Variants in HACE1 observed in about 807,000 individuals in gnomAD.
HACE1 encodes the protein E3 ubiquitin-protein ligase HACE1.
HACE1 carries 73 observed loss-of-function variants against 118.4 expected under a neutral mutation model. The ratio of observed to expected loss-of-function variants is 0.62; its 90% CI spans 0.51 to 0.75. HACE1 has a LOEUF of 0.75. Among genes scored for constraint, HACE1 ranks in the 30% least tolerant of loss-of-function variants. HACE1 has a pLI of 0.00. For missense variants in HACE1, 749 were observed against 1,102.2 expected (o/e 0.68, Z 4.54); for synonymous variants, 368 against 374.8 (o/e 0.98, Z 0.21).
Position 104,744,630 on chromosome 6 carries a change from T to C in HACE1, c.2344-20A>G. On this transcript the variant is annotated intron_variant, in intron 20 of 23. Coordinates refer to ENST00000262903, the MANE Select transcript of HACE1 (RefSeq NM_020771.4). ...TAGCTCCTTGGGGGAAGAAGAAAAA[T>C]ATTTCAATAATTTTCTTTAGGGAAA... is the stretch of plus-strand genomic sequence containing the variant. 2 of 1,361,838 alleles carry C rather than the reference T, an allele frequency of 1.5e-6. No homozygotes were observed. The highest frequency in any genetic ancestry group is 1.4e-5 in the African/African-American group (1 of 70,168). The allele number at this position is 1,361,838 out of a possible 1,614,324, so 84.4% of individuals were successfully genotyped here. A position where few individuals can be genotyped will look rare whatever the true frequency, so the allele number is the denominator to read the frequency against.
intron 1 of HACE1, 91 bp downstream of exon 1, chr6:104,859,476 G>T: frequency 9.9e-7 from 1 of 1,008,894 alleles, no homozygotes; most frequent in Non-Finnish European, 1.4e-6. Context: ...CTTTCAGTTA[G>T]TTTTTCCACC....
intron 7 of HACE1, among the ~76,000 whole-genome samples, chr6:104,802,054 A>G (rs1038641591): frequency 2.0e-5 from 3 of 149,758 alleles, no homozygotes; most frequent in African/African-American, 7.4e-5. Flanking sequence ...AAAAAAAAGC[A>G]GGGGTTGCAA....
At chr6:104,785,442 C>G in intron 11 of HACE1, 123 bp from the exon 12 acceptor site, 1 of 667,592 alleles carries the variant, frequency 1.5e-6, no homozygotes, top group Non-Finnish European at 2.6e-6. Context: ...TTTCTATCTT[C>G]CCAAGTTAAC....
At chr6:104,832,350 G>T (rs1774083821) in intron 6 of HACE1, among the ~76,000 whole-genome samples, 1 of 151,674 alleles carries the variant, frequency 6.6e-6, no homozygotes, top group Admixed American at 6.6e-5. Flanking sequence ...CAAATATTTT[G>T]AACAGATATA....
intron 22 of HACE1, among the ~76,000 whole-genome samples, chr6:104,739,647 G>A (rs541893189): frequency 6.6e-6 from 1 of 150,434 alleles, no homozygotes; most frequent in African/African-American, 2.4e-5. Flanking sequence ...CCCAATACAG[G>A]AACACCAAGA....
At chr6:104,779,613 A>C (rs1781533686) in intron 14 of HACE1, among the ~76,000 whole-genome samples, 1 of 152,130 alleles carries the variant, frequency 6.6e-6, no homozygotes, top group Admixed American at 6.6e-5. Context: ...TCTAATGCTG[A>C]CTATTTCTAA....
chr6:104,756,411 C>CAAAA (rs149270056), intron 19 of HACE1, among the ~76,000 whole-genome samples: 4 of 103,432 alleles, frequency 3.9e-5, no homozygotes, highest in South Asian at 6.8e-4. Flanking sequence ...GATTCCATCT[C>CAAAA]AAAAAAAAAA....
intron 5 of HACE1, among the ~76,000 whole-genome samples, chr6:104,839,328 G>C (rs1322113928): frequency 6.6e-6 from 1 of 152,156 alleles, no homozygotes; most frequent in African/African-American, 2.4e-5. Context: ...CTACTGGATG[G>C]AATACTATTC....
At chr6:104,797,825 T>A (rs1769840838) in intron 7 of HACE1, among the ~76,000 whole-genome samples, 1 of 152,054 alleles carries the variant, frequency 6.6e-6, no homozygotes, top group Non-Finnish European at 1.5e-5. Flanking sequence ...TCCCAGCACT[T>A]TGAGAGGCCG....
chr6:104,802,900 C>T (rs1171396208), intron 7 of HACE1, among the ~76,000 whole-genome samples: 3 of 152,116 alleles, frequency 2.0e-5, no homozygotes, highest in Non-Finnish European at 4.4e-5. Context: ...ACAAAAAACC[C>T]TTCAAAAAAT....
chr6:104,828,423 C>G (rs1481856482), intron 6 of HACE1, among the ~76,000 whole-genome samples: 1 of 151,896 alleles, frequency 6.6e-6, no homozygotes, highest in African/African-American at 2.4e-5. Context: ...AATTATATCT[C>G]CAGTTGAATA....
intron 22 of HACE1, among the ~76,000 whole-genome samples, chr6:104,735,289 G>A (rs1775691284): frequency 6.6e-6 from 1 of 151,888 alleles, no homozygotes; most frequent in Non-Finnish European, 1.5e-5. Context: ...AATAAAGATA[G>A]GTAATTCATA....
chr6:104,766,445 T>C (rs543313546), intron 19 of HACE1, among the ~76,000 whole-genome samples: 1 of 152,290 alleles, frequency 6.6e-6, no homozygotes, highest in Admixed American at 6.5e-5. Context: ...GAATTATGGA[T>C]GCTCAACCTG....
At chr6:104,802,378 C>CTGTAGA (rs1455229496) in intron 7 of HACE1, among the ~76,000 whole-genome samples, 5 of 152,186 alleles carry the variant, frequency 3.3e-5, no homozygotes, top group Admixed American at 6.5e-5. Context: ...TAATAGACAT[C>CTGTAGA]TACAGAACTC....
rs576050241 is a variant in HACE1 at position 104,833,031 on chromosome 6, G to A, written c.534+11C>T. On this transcript the variant is annotated intron_variant, in intron 6 of 23. Coordinates refer to ENST00000262903, the MANE Select transcript of HACE1 (RefSeq NM_020771.4). ...ACACATGCAGCTTAAAGTCCTCATG[G>A]CTCAACTTACCGTCTTGTGACCGTT... 1.9e-6 allele frequency: 3 copies of A among 1,611,494 alleles called. No homozygotes were observed. The Admixed American group carries it at 5.0e-5, about 27-fold the overall frequency.
At chr6:104,811,273 T>TATATATATGA (rs1771592401) in intron 7 of HACE1, 38 bp downstream of exon 7, 5 of 585,626 alleles carry the variant, frequency 8.5e-6, no homozygotes, top group Non-Finnish European at 1.6e-5. Flanking sequence ...TATATATATA[T>TATATATATGA]GAGCATATAT....
At chr6:104,802,152 A>C (rs1770441179) in intron 7 of HACE1, among the ~76,000 whole-genome samples, 1 of 152,224 alleles carries the variant, frequency 6.6e-6, no homozygotes. Flanking sequence ...GAATCAATGC[A>C]ACAAGAAGAG....
intron 11 of HACE1, 50 bp from the exon 12 acceptor site, chr6:104,785,369 T>TAAAA: frequency 4.0e-6 from 3 of 743,192 alleles, no homozygotes; most frequent in Admixed American, 2.6e-5. Flanking sequence ...ACTACAGGAT[T>TAAAA]AAAAAAAAAA....
intron 22 of HACE1, among the ~76,000 whole-genome samples, chr6:104,733,982 A>G (rs1288827552): frequency 1.3e-5 from 2 of 151,736 alleles, no homozygotes; most frequent in Non-Finnish European, 2.9e-5. Flanking sequence ...GTGAAACTCC[A>G]TCTTTACTAA....
Sources: gnomAD v4.1 joint callset for allele counts (sites outside exome capture counted in the v4.1 genomes callset) on GRCh38, gnomAD v4.1.1 for gene constraint, MANE v1.5 for transcripts, NCBI Gene and HGNC (gene_info 2026-07-23, HGNC 2026-07-21) for gene names.